Variants in KLHL29 observed in about 807,000 individuals in gnomAD.
The protein encoded by KLHL29 is kelch-like protein 29.
A neutral mutation model predicts 80.4 loss-of-function variants in KLHL29; 21 were observed. That is an observed-to-expected ratio of 0.26 (90% CI 0.19 to 0.38). KLHL29 has a LOEUF of 0.38. Among genes scored for constraint, KLHL29 ranks in the 10% least tolerant of loss-of-function variants. KLHL29 has a pLI of 1.00. For synonymous variants in KLHL29, 511 were observed against 526.8 expected, an observed-to-expected ratio of 0.97 and a Z score of 0.41; for missense variants, 867 against 1,223.9, an observed-to-expected ratio of 0.71 and a Z score of 4.35.
At chr2:23,702,631 T>G (rs1672470966) in intron 11 of KLHL29, among the ~76,000 whole-genome samples, 1 of 152,204 alleles carries the variant, frequency 6.6e-6, no homozygotes, top group Admixed American at 6.5e-5. Context: ...TCCAGAAAGC[T>G]AATATGACCT....
chr2:23,456,946 C>T (rs966448787), intron 1 of KLHL29, among the ~76,000 whole-genome samples: 10 of 152,138 alleles, frequency 6.6e-5, no homozygotes, highest in African/African-American at 2.4e-4. Context: ...GGTAGGGTTG[C>T]TCCAGGTCAC....
chr2:23,608,445 C>CTT (rs11443179), intron 3 of KLHL29, among the ~76,000 whole-genome samples: 51 of 149,486 alleles, frequency 3.4e-4, no homozygotes, highest in Middle Eastern at 3.5e-3. Flanking sequence ...AGGGCCCAGT[C>CTT]TTTTTTTTTT....
At chr2:23,523,812 G>A (rs1206823877) in intron 2 of KLHL29, 4 of 336,970 alleles carry the variant, frequency 1.2e-5, no homozygotes, top group South Asian at 4.9e-5. Flanking sequence ...CCTGCCAGCC[G>A]GCCTTGTCCC....
intron 2 of KLHL29, among the ~76,000 whole-genome samples, chr2:23,542,184 T>C (rs1402861270): frequency 6.6e-6 from 1 of 152,236 alleles, no homozygotes; most frequent in Non-Finnish European, 1.5e-5. Context: ...ATTTAGCAAT[T>C]ATATTTCTTC....
chr2:23,520,585 A>G (rs1666063036), intron 2 of KLHL29, among the ~76,000 whole-genome samples: 1 of 152,192 alleles, frequency 6.6e-6, no homozygotes, highest in African/African-American at 2.4e-5. Flanking sequence ...CCCTGAGATC[A>G]TGGCACTGTC....
intron 1 of KLHL29, among the ~76,000 whole-genome samples, chr2:23,418,541 A>G (rs1049073879): frequency 6.6e-6 from 1 of 152,200 alleles, no homozygotes; most frequent in Non-Finnish European, 1.5e-5. Flanking sequence ...GTAATCAGGC[A>G]TTTGTTAATG....
intron 1 of KLHL29, among the ~76,000 whole-genome samples, chr2:23,443,925 C>T (rs1323547256): frequency 6.6e-6 from 1 of 152,120 alleles, no homozygotes; most frequent in Admixed American, 6.5e-5. Flanking sequence ...CTTTTGCATC[C>T]CTTGGTAACC....
intron 1 of KLHL29, among the ~76,000 whole-genome samples, chr2:23,454,057 G>A (rs1279816093): frequency 7.9e-5 from 12 of 152,218 alleles, no homozygotes; most frequent in Non-Finnish European, 1.6e-4. Flanking sequence ...GGTCTGCTTT[G>A]AAGAGCCTAG....
At chr2:23,568,716 C>T (rs1216130474) in intron 3 of KLHL29, among the ~76,000 whole-genome samples, 1 of 152,246 alleles carries the variant, frequency 6.6e-6, no homozygotes, top group African/African-American at 2.4e-5. Flanking sequence ...GATACTGCAA[C>T]ACCACATTGC....
intron 1 of KLHL29, among the ~76,000 whole-genome samples, chr2:23,411,845 A>G (rs1666868107): frequency 6.6e-6 from 1 of 152,102 alleles, no homozygotes; most frequent in African/African-American, 2.4e-5. Flanking sequence ...GGTTCTTTGC[A>G]TGGGCCCAGT....
At chr2:23,613,624 G>T (rs144098971) in intron 3 of KLHL29, among the ~76,000 whole-genome samples, 2 of 151,656 alleles carry the variant, frequency 1.3e-5, no homozygotes, top group Admixed American at 6.6e-5. Context: ...ATTAGCCGGG[G>T]GTGGTGGCAC....
At chr2:23,575,452 G>A (rs1572411266) in intron 3 of KLHL29, among the ~76,000 whole-genome samples, 3 of 152,154 alleles carry the variant, frequency 2.0e-5, no homozygotes, top group African/African-American at 7.2e-5. Context: ...CCTTGGGGTT[G>A]CTGCCAGCAT....
At chr2:23,625,291 T>C (rs1191334753) in intron 3 of KLHL29, among the ~76,000 whole-genome samples, 1 of 152,276 alleles carries the variant, frequency 6.6e-6, no homozygotes, top group Non-Finnish European at 1.5e-5. Flanking sequence ...CAAAGGAAAC[T>C]TCTCGTGTCT....
At chr2:23,565,687 G>T (rs1046577132) in intron 3 of KLHL29, among the ~76,000 whole-genome samples, 1 of 152,038 alleles carries the variant, frequency 6.6e-6, no homozygotes, top group Non-Finnish European at 1.5e-5. Context: ...GGTGGGCGAG[G>T]TTGGCCGGGT....
intron 1 of KLHL29, among the ~76,000 whole-genome samples, chr2:23,416,087 C>T (rs1666978722): frequency 6.6e-6 from 1 of 152,072 alleles, no homozygotes; most frequent in Non-Finnish European, 1.5e-5. Flanking sequence ...TGGAGTTACA[C>T]CTTCATGGCA....
chr2:23,679,572 G>A (rs1214885109), intron 5 of KLHL29, among the ~76,000 whole-genome samples: 2 of 144,440 alleles, frequency 1.4e-5, no homozygotes, highest in African/African-American at 2.5e-5. Context: ...ACCTCTTGAC[G>A]GGGGAAGCTA....
At chr2:23,618,560 G>A (rs746523717) in intron 3 of KLHL29, among the ~76,000 whole-genome samples, 12 of 152,132 alleles carry the variant, frequency 7.9e-5, no homozygotes, top group Non-Finnish European at 1.3e-4. Context: ...TGAAACATCC[G>A]CTCTTCTTGG....
chr2:23,502,100 C>T (rs1389502660), intron 2 of KLHL29, among the ~76,000 whole-genome samples: 3 of 152,132 alleles, frequency 2.0e-5, no homozygotes, highest in Non-Finnish European at 4.4e-5. Flanking sequence ...TTGTAGTGCT[C>T]CTGGCTCAGA....
At chr2:23,630,320 C>T (rs974292982) in intron 3 of KLHL29, among the ~76,000 whole-genome samples, 1 of 152,174 alleles carries the variant, frequency 6.6e-6, no homozygotes, top group Non-Finnish European at 1.5e-5. Flanking sequence ...TGAGCGCAGC[C>T]TTGATATGGC....
Sources: allele counts gnomAD v4.1 joint callset (sites outside exome capture counted in the v4.1 genomes callset), GRCh38; gene constraint gnomAD v4.1.1; transcripts MANE v1.5; gene names NCBI Gene and HGNC (gene_info 2026-07-23, HGNC 2026-07-21).